The following DDX42 variants were observed in gnomAD, a reference collection of about 807,000 sequenced individuals.
DDX42 encodes DEAD-box helicase 42, also known as ATP-dependent RNA helicase DDX42.
A neutral mutation model predicts 101.5 loss-of-function variants in DDX42; 22 were observed. That is an observed-to-expected ratio of 0.22 (90% confidence interval 0.15 to 0.31). DDX42 has a LOEUF of 0.31. Ranked by LOEUF, DDX42 falls within the 10% of genes least tolerant of loss-of-function variation. The pLI is 1.00. For missense variants in DDX42, 849 were observed against 1,199.9 expected (o/e 0.71, Z 4.32); for synonymous variants, 402 against 401.2 (o/e 1.00, Z -0.02).
intron 13 of DDX42, chr17:63,811,545 AG>A (rs1290067587): frequency 8.1e-6 from 3 of 369,426 alleles, no homozygotes; most frequent in Non-Finnish European, 1.5e-5. Flanking sequence ...CCTACGCAGG[AG>A]GGAAAGGGTG....
At chr17:63,773,809 C>A (rs899042248), upstream of DDX42, 4 of 152,704 alleles carry the variant, frequency 2.6e-5, no homozygotes, top group African/African-American at 9.6e-5. Context: ...CACACGGAAC[C>A]GGTGCTCCGG....
chr17:63,806,800 C>A, intron 8 of DDX42, 146 bp downstream of exon 8: 1 of 813,464 alleles, frequency 1.2e-6, no homozygotes, highest in Non-Finnish European at 1.7e-6. Flanking sequence ...TAAGAAGTCA[C>A]TAAATGGCTG....
At chr17:63,811,430 C>T in intron 13 of DDX42, 2 of 396,888 alleles carry the variant, frequency 5.0e-6, no homozygotes, top group Non-Finnish European at 9.0e-6. Context: ...TTGAATGTCT[C>T]AAAACTTACA....
chr17:63,789,561 TTTTGTTTTTG>T (rs1567733045), intron 2 of DDX42, among the ~76,000 whole-genome samples: 17,581 of 57,276 alleles, frequency 0.31, 3,535 homozygotes, highest in African/African-American at 0.43. Flanking sequence ...TTGTTTTTGT[TTTTGTTTTTG>T]TTTTTTTTTT....
At position 63,775,315 on chromosome 17, in the gene DDX42, G is replaced by GT. The variant is rs1297616938; in HGVS notation, c.-17+939_-17+940insT. ...CGTTCATTCAAGGGGTATTTTTATT[G>GT]GTGCCTATTCTCTAGCGCCGTTCTA... On this transcript the variant is annotated intron_variant, in intron 1 of 17. Transcript: ENST00000389924. 5.2e-5 allele frequency: 8 copies of GT among 152,454 alleles called. No individual in the cohort carries two copies. The South Asian group carries it at 1.5e-3, about 28-fold the overall frequency. 9.4% of individuals were successfully genotyped at this position (152,454 alleles called of 1,614,324 possible).
chr17:63,794,086 A>G (rs1303378507), intron 3 of DDX42, among the ~76,000 whole-genome samples: 1 of 151,922 alleles, frequency 6.6e-6, no homozygotes, highest in African/African-American at 2.4e-5. Context: ...TAGCCCTTGC[A>G]TTTGTTCTTT....
At chr17:63,777,344 C>G (rs547458683) in intron 1 of DDX42, among the ~76,000 whole-genome samples, 3 of 152,116 alleles carry the variant, frequency 2.0e-5, no homozygotes, top group Non-Finnish European at 4.4e-5. Context: ...TGAAAACATG[C>G]TATAAGAGAA....
intron 7 of DDX42, chr17:63,806,241 AT>A (rs3214711): frequency 1.4e-5 from 3 of 209,332 alleles, no homozygotes; most frequent in Admixed American, 5.9e-5. Context: ...TCATTGAACA[AT>A]TTTTTTTCCG....
intron 1 of DDX42, among the ~76,000 whole-genome samples, chr17:63,782,541 T>G (rs530018716): frequency 6.6e-6 from 1 of 152,264 alleles, no homozygotes; most frequent in South Asian, 2.1e-4. Context: ...CACCCAGTCT[T>G]TAAAGCCAGA....
chr17:63,794,476 C>T (rs748359161), intron 3 of DDX42, among the ~76,000 whole-genome samples: 13 of 151,808 alleles, frequency 8.6e-5, no homozygotes, highest in Non-Finnish European at 1.5e-4. Context: ...TGCCACTACT[C>T]AGCCTGGATG....
At position 63,792,692 on chromosome 17, in the gene DDX42, A is replaced by G. The variant is rs897868451; in HGVS notation, c.372+130A>G. On this transcript the variant is annotated intron_variant, in intron 3 of 17. Coordinates refer to ENST00000389924, the MANE Select transcript of DDX42 (RefSeq NM_203499.3). ...TTTTTTTTTTTGAGAATTTTGCTCC[A>G]GTAGTCTATAGTTGCATATATCTAC... The G allele has an allele frequency of 1.5e-5, 14 of 925,916 alleles. No individual in the cohort carries two copies. In the African/African-American group the frequency reaches 1.5e-4, roughly 10 times the overall value. The allele number at this position is 925,916 out of a possible 1,614,324, so 57.4% of individuals were successfully genotyped here.
At chr17:63,808,742 T>G in intron 9 of DDX42, 78 bp from the exon 10 acceptor site, 1 of 1,567,658 alleles carries the variant, frequency 6.4e-7, no homozygotes, top group Non-Finnish European at 8.7e-7. Context: ...CACATTCTGT[T>G]TTTCAGAACT....
chr17:63,785,506 A>C (rs998688998), intron 1 of DDX42, among the ~76,000 whole-genome samples: 4 of 135,638 alleles, frequency 2.9e-5, no homozygotes, highest in African/African-American at 9.0e-5. Flanking sequence ...TCATGCCTGT[A>C]ATCCCAGCAC....
intron 17 of DDX42, 73 bp from the exon 18 acceptor site, chr17:63,817,621 A>G: frequency 6.8e-7 from 1 of 1,461,276 alleles, no homozygotes; most frequent in Non-Finnish European, 9.4e-7. Flanking sequence ...AAACCTCATC[A>G]TTTGCCAAGT....
chr17:63,808,048 A>G, intron 9 of DDX42, 148 bp downstream of exon 9: 1 of 714,478 alleles, frequency 1.4e-6, no homozygotes, highest in Non-Finnish European at 2.2e-6. Flanking sequence ...TTTAATGTAC[A>G]GTTCAGTGGC....
At chr17:63,779,330 C>G (rs932417247) in intron 1 of DDX42, among the ~76,000 whole-genome samples, 4 of 152,132 alleles carry the variant, frequency 2.6e-5, no homozygotes, top group African/African-American at 9.7e-5. Flanking sequence ...TTGGCATGAT[C>G]TCGGCCCACT....
At position 63,817,541 on chromosome 17, in the gene DDX42, C is replaced by T. The variant is rs796371256; in HGVS notation, c.2113-153C>T. On this transcript the variant is annotated intron_variant, in intron 17 of 17. Transcript: ENST00000389924. Reference sequence around the variant, plus strand: ...CAAGTTTTCCTTTATAGCACAAGAACAAAAGGGACCATACTGTGGGGCCAT... The same window carrying T: ...CAAGTTTTCCTTTATAGCACAAGAATAAAAGGGACCATACTGTGGGGCCAT... The T allele has an allele frequency of 8.6e-6, 6 of 698,776 alleles. No individual in the cohort carries two copies. The African/African-American group carries it at 1.1e-4, about 13-fold the overall frequency. The allele number at this position is 698,776 out of a possible 1,614,324, so 43.3% of individuals were successfully genotyped here.
chr17:63,796,483 A>AT (rs1225612956), intron 3 of DDX42, among the ~76,000 whole-genome samples: 1 of 152,100 alleles, frequency 6.6e-6, no homozygotes, highest in East Asian at 1.9e-4. Context: ...TGCTTGGCTA[A>AT]TTTTGTATTT....
In DDX42 at chr17:63,818,453, G is replaced by A. The variant is rs1025391465; in HGVS notation, c.*55G>A. The A allele has an allele frequency of 6.6e-6, 10 of 1,523,652 alleles. No individual in the cohort carries two copies. The highest frequency in any genetic ancestry group is 2.3e-4 in the Middle Eastern group (1 of 4,418). 94.4% of individuals were successfully genotyped at this position (1,523,652 alleles called of 1,614,324 possible). A position where few individuals can be genotyped will look rare whatever the true frequency, so the allele number is the denominator to read the frequency against. ...GTCCTTAATTTTTAGAAAGATTTTG[G>A]TAACTAGGTGTCTCAGGGCTGGGTT... On this transcript the variant is annotated 3_prime_UTR_variant, in exon 18 of 18. Coordinates refer to ENST00000389924, the MANE Select transcript of DDX42 (RefSeq NM_203499.3).
Sources: allele counts gnomAD v4.1 joint callset (sites outside exome capture counted in the v4.1 genomes callset), GRCh38; gene constraint gnomAD v4.1.1; transcripts MANE v1.5; gene names NCBI Gene and HGNC (gene_info 2026-07-23, HGNC 2026-07-21).